The following ABCA1 variants were observed in gnomAD, a reference collection of about 807,000 sequenced individuals.
The protein encoded by ABCA1 is phospholipid-transporting ATPase ABCA1.
In ABCA1, 133 loss-of-function variants were observed where a neutral mutation model predicts 262.5. The observed-to-expected ratio is 0.51, with a 90% CI of 0.44 to 0.59. ABCA1 has a LOEUF of 0.59. Among genes scored for constraint, ABCA1 ranks in the 20% least tolerant of loss-of-function variants. The pLI is 0.00. For synonymous variants in ABCA1, 1,022 were observed against 1,043.5 expected (o/e 0.98, Z 0.40); for missense variants, 2,452 against 2,777.5 (o/e 0.88, Z 2.63).
intron 1 of ABCA1, among the ~76,000 whole-genome samples, chr9:104,905,786 C>T (rs80253084): frequency 0.03 from 4,614 of 152,214 alleles, 88 homozygotes; most frequent in African/African-American, 0.055. Flanking sequence ...GGAATCAGTT[C>T]GTTGATTTAG....
chr9:104,839,085 C>T (rs1391754904), intron 9 of ABCA1, among the ~76,000 whole-genome samples: 1 of 152,112 alleles, frequency 6.6e-6, no homozygotes, highest in Non-Finnish European at 1.5e-5. Context: ...GAGAAAGGTT[C>T]CCCTGCATCA....
intron 5 of ABCA1, among the ~76,000 whole-genome samples, chr9:104,873,800 G>A (rs1455658377): frequency 6.6e-6 from 1 of 152,134 alleles, no homozygotes; most frequent in Non-Finnish European, 1.5e-5. Flanking sequence ...CCATTAATTT[G>A]CCACAATAGT....
intron 48 of ABCA1, among the ~76,000 whole-genome samples, 192 bp from the exon 49 acceptor site, chr9:104,785,831 G>A (rs888895587): frequency 5.3e-5 from 8 of 152,218 alleles, no homozygotes; most frequent in African/African-American, 1.7e-4. Flanking sequence ...GCCATGTGCT[G>A]TAAATACATG....
chr9:104,827,990 C>T (rs1024625228), intron 15 of ABCA1, among the ~76,000 whole-genome samples: 1 of 152,222 alleles, frequency 6.6e-6, no homozygotes, highest in Admixed American at 6.5e-5. Flanking sequence ...TAGTTCTTAT[C>T]TCTTTGTACT....
At chr9:104,786,488 G>A (rs909122855) in intron 47 of ABCA1, 98 bp from the exon 48 acceptor site, 7 of 1,075,014 alleles carry the variant, frequency 6.5e-6, no homozygotes, top group Non-Finnish European at 1.0e-5. Context: ...CTAGGGAATT[G>A]TATTCTGTTA....
intron 27 of ABCA1, among the ~76,000 whole-genome samples, chr9:104,813,335 A>C (rs922233939): frequency 1.3e-5 from 2 of 152,224 alleles, no homozygotes; most frequent in Non-Finnish European, 2.9e-5. Context: ...ACATCTTAAC[A>C]ATATTTGTTT....
chr9:104,875,350 T>TAAAA (rs1838064941), intron 5 of ABCA1, among the ~76,000 whole-genome samples: 1 of 72,634 alleles, frequency 1.4e-5, no homozygotes, highest in African/African-American at 6.3e-5. Flanking sequence ...AGACTCCATC[T>TAAAA]CAAAAAAAAA....
intron 2 of ABCA1, among the ~76,000 whole-genome samples, chr9:104,900,672 G>C (rs988142897): frequency 6.6e-6 from 1 of 152,166 alleles, no homozygotes; most frequent in African/African-American, 2.4e-5. Context: ...TGCAACTGTA[G>C]GGCCACCAGG....
Position 104,809,517 on chromosome 9 carries a change from A to G in ABCA1, c.4223T>C (p.Leu1408Pro). ...DTGTLELLNALTKDPGFGTRC... is the reference protein window; with the variant it reads ...DTGTLELLNAPTKDPGFGTRC... ...GGTCCCGAAGCCAGGGTCTTTGGTGAGGGCGTTTAAGAGTTCCAGGGTTCC... is the reference window on the plus strand; with the variant it reads ...GGTCCCGAAGCCAGGGTCTTTGGTGGGGGCGTTTAAGAGTTCCAGGGTTCC... Residue 1408 changes from leucine to proline, a missense_variant, in exon 30 of 50, where the codon CTC (leucine) becomes CCC (proline). Coordinates refer to ENST00000374736, the MANE Select transcript of ABCA1 (RefSeq NM_005502.4). 6.2e-7 allele frequency: 1 copy of G among 1,614,194 alleles called. No individual in the cohort carries two copies. Among genetic ancestry groups the G allele is most frequent in the Non-Finnish European group, 8.5e-7 (1 of 1,180,038 alleles).
At chr9:104,901,479 G>A (rs1373350089) in intron 2 of ABCA1, among the ~76,000 whole-genome samples, 1 of 152,122 alleles carries the variant, frequency 6.6e-6, no homozygotes, top group Non-Finnish European at 1.5e-5. Flanking sequence ...ATAAACCATG[G>A]CGGAGACAAT....
chr9:104,914,251 G>A (rs1841699046), intron 1 of ABCA1, among the ~76,000 whole-genome samples: 1 of 151,486 alleles, frequency 6.6e-6, no homozygotes, highest in Non-Finnish European at 1.5e-5. Context: ...GCTGAGGCAG[G>A]TGATCACCTG....
At chr9:104,803,385 G>C (rs1250500035) in intron 32 of ABCA1, 69 bp from the exon 33 acceptor site, 2 of 1,445,408 alleles carry the variant, frequency 1.4e-6, no homozygotes, top group Non-Finnish European at 1.9e-6. Context: ...GATGCAAAAG[G>C]AGTAAATATC....
intron 7 of ABCA1, among the ~76,000 whole-genome samples, chr9:104,851,966 T>C (rs982497930): frequency 6.6e-6 from 1 of 152,190 alleles, no homozygotes; most frequent in Non-Finnish European, 1.5e-5. Context: ...CTTATAAAAA[T>C]CTCATCTACA....
chr9:104,814,400 T>G (rs1410466159), intron 26 of ABCA1, 27 bp downstream of exon 26: 2 of 1,611,120 alleles, frequency 1.2e-6, no homozygotes, highest in Non-Finnish European at 1.7e-6. Context: ...CTATCTTAAG[T>G]GTGCCATTCT....
chr9:104,814,500 A>T (rs772693884), intron 25 of ABCA1, 25 bp from the exon 26 acceptor site: 18 of 1,611,168 alleles, frequency 1.1e-5, no homozygotes, highest in Non-Finnish European at 1.4e-5. Flanking sequence ...AGATGAGAAC[A>T]TTATAAGCAC....
chr9:104,826,971 C>T lies in ABCA1; in HGVS notation c.2314G>A (p.Gly772Ser), dbSNP rs1832862688. 1 of 1,613,952 alleles carries T rather than the reference C, an allele frequency of 6.2e-7. No individual in the cohort carries two copies. The highest frequency in any genetic ancestry group is 8.5e-7 in the Non-Finnish European group (1 of 1,180,016). ...VLCVAWQDYVGFTLKIFASLL... is the reference protein window; with the variant it reads ...VLCVAWQDYVSFTLKIFASLL... Reference sequence around the variant, plus strand: ...ACAGCGAAGATCTTGAGTGTGAAGCCCACGTAGTCCTGCCATGCCACACAC... The same window carrying T: ...ACAGCGAAGATCTTGAGTGTGAAGCTCACGTAGTCCTGCCATGCCACACAC... The change falls in exon 16 of 50, where the codon GGC becomes AGC. Residue 772 changes from glycine (G) to serine (S), a missense_variant. By Grantham distance (56) the Gly-to-Ser change is moderately conservative. Transcript: ENST00000374736.
chr9:104,801,576 T>C (rs1414826606), intron 34 of ABCA1, among the ~76,000 whole-genome samples: 1 of 143,376 alleles, frequency 7.0e-6, no homozygotes, highest in Non-Finnish European at 1.5e-5. Context: ...AGTTTTGCTC[T>C]TGTTGCCCAG....
chr9:104,919,079 T>C (rs1280663160), intron 1 of ABCA1, among the ~76,000 whole-genome samples: 1 of 152,216 alleles, frequency 6.6e-6, no homozygotes, highest in Non-Finnish European at 1.5e-5. Context: ...TTTCCACTTC[T>C]AATTTGTTAT....
intron 11 of ABCA1, among the ~76,000 whole-genome samples, chr9:104,834,348 AT>A (rs2119014691): frequency 6.7e-6 from 1 of 149,706 alleles, no homozygotes; most frequent in South Asian, 2.2e-4. Context: ...TTAAATTTTC[AT>A]TCCAAATTGC....
Sources: gnomAD v4.1 joint callset for allele counts (sites outside exome capture counted in the v4.1 genomes callset) on GRCh38, gnomAD v4.1.1 for gene constraint, MANE v1.5 for transcripts, NCBI Gene and HGNC (gene_info 2026-07-23, HGNC 2026-07-21) for gene names.